The following PTPN4 variants were observed in gnomAD, a reference collection of about 807,000 sequenced individuals.
PTPN4 encodes the protein tyrosine-protein phosphatase non-receptor type 4.
In PTPN4, 49 loss-of-function variants were observed where a neutral mutation model predicts 135.5. That is an observed-to-expected ratio of 0.36 (90% CI 0.29 to 0.46). The LOEUF is 0.46. Among genes scored for constraint, PTPN4 ranks in the 20% least tolerant of loss-of-function variants. PTPN4 has a pLI of 1.00. For missense variants in PTPN4, 860 were observed against 1,101.0 expected (o/e 0.78, Z 3.10); for synonymous variants, 333 against 369.9 (o/e 0.90, Z 1.14).
At chr2:119,834,572 G>A (rs1677263675) in intron 2 of PTPN4, among the ~76,000 whole-genome samples, 1 of 152,004 alleles carries the variant, frequency 6.6e-6, no homozygotes, top group South Asian at 2.1e-4. Context: ...ATTGTTGGCT[G>A]AAAGAATTTC....
Position 119,977,198 on chromosome 2 carries a change from C to G in PTPN4, c.*128C>G, listed in dbSNP as rs1240460514. 6 of 1,355,594 alleles carry G rather than the reference C, an allele frequency of 4.4e-6. No homozygotes were observed. Among genetic ancestry groups the G allele is most frequent in the Middle Eastern group, 2.5e-4 (1 of 3,970 alleles). 84.0% of individuals were successfully genotyped at this position (1,355,594 alleles called of 1,614,324 possible). A position where few individuals can be genotyped will look rare whatever the true frequency, so the allele number is the denominator to read the frequency against. On this transcript the variant is annotated 3_prime_UTR_variant, in exon 27 of 27. Coordinates refer to ENST00000263708, the MANE Select transcript of PTPN4 (RefSeq NM_002830.4). ...GAAGAACTCAAAAAAACTTTGAAAA[C>G]TTCAGCACTGTTGCACTTTATGTTT...
At chr2:119,955,401 C>G in intron 20 of PTPN4, 78 bp downstream of exon 20, 1 of 1,148,512 alleles carries the variant, frequency 8.7e-7, no homozygotes, top group East Asian at 2.8e-5. Context: ...AGTGCCTAAT[C>G]TGTGCATTAT....
intron 11 of PTPN4, among the ~76,000 whole-genome samples, chr2:119,917,615 CG>C: frequency 6.6e-6 from 1 of 152,058 alleles, no homozygotes; most frequent in East Asian, 1.9e-4. Flanking sequence ...CTGTATTTCC[CG>C]TTGCTTGGGA....
At chr2:119,779,259 T>C (rs996138728) in intron 1 of PTPN4, among the ~76,000 whole-genome samples, 1 of 152,192 alleles carries the variant, frequency 6.6e-6, no homozygotes, top group African/African-American at 2.4e-5. Context: ...CAAAACATTG[T>C]GTAATAAACT....
At chr2:119,789,686 T>C (rs1302323322) in intron 1 of PTPN4, among the ~76,000 whole-genome samples, 3 of 152,170 alleles carry the variant, frequency 2.0e-5, no homozygotes, top group African/African-American at 7.2e-5. Flanking sequence ...TTTTTCACTT[T>C]CTTGTAAATT....
At chr2:119,968,396 A>G (rs552386911) in intron 26 of PTPN4, among the ~76,000 whole-genome samples, 10 of 152,350 alleles carry the variant, frequency 6.6e-5, no homozygotes, top group African/African-American at 2.2e-4. Flanking sequence ...GTCAAGCTGA[A>G]TGCTGAGAAT....
In PTPN4 at chr2:119,923,278, G is replaced by T. The variant is rs181740583; in HGVS notation, c.1001+3037G>T. The stretch of plus-strand genomic sequence containing the variant: ...AGTCCTAACTACTCAGGAGGCTCAG[G>T]GAGGAGGATCACTTGAGGCCAGGAG... On this transcript the variant is annotated intron_variant, in intron 12 of 26. Coordinates refer to ENST00000263708, the MANE Select transcript of PTPN4 (RefSeq NM_002830.4). 1.0e-3 allele frequency among the ~76,000 whole-genome samples: 157 copies of T among 152,256 alleles called. 2 individuals carry two copies. The highest frequency in any genetic ancestry group is 8.4e-3 in the Admixed American group (129 of 15,290).
chr2:119,816,421 A>G (rs763566840), intron 2 of PTPN4, among the ~76,000 whole-genome samples: 1 of 152,140 alleles, frequency 6.6e-6, no homozygotes, highest in Admixed American at 6.5e-5. Context: ...TTAAAAATCT[A>G]TAATCTATGG....
chr2:119,957,555 T>TC (rs1426161114), intron 22 of PTPN4, among the ~76,000 whole-genome samples: 6 of 137,912 alleles, frequency 4.4e-5, no homozygotes, highest in Non-Finnish European at 6.2e-5. Context: ...AAGAAACCAG[T>TC]CCCTGGTGCC....
intron 12 of PTPN4, among the ~76,000 whole-genome samples, chr2:119,922,987 G>A (rs1400242759): frequency 1.3e-5 from 2 of 152,146 alleles, no homozygotes; most frequent in Non-Finnish European, 2.9e-5. Context: ...AATCTCTCTA[G>A]AATATGTAAT....
chr2:119,918,489 C>G (rs1678689950), intron 11 of PTPN4, among the ~76,000 whole-genome samples: 1 of 152,162 alleles, frequency 6.6e-6, no homozygotes, highest in South Asian at 2.1e-4. Flanking sequence ...AGACACTTCA[C>G]AAATGAGGAT....
At chr2:119,876,798 A>G (rs1039220879) in intron 3 of PTPN4, among the ~76,000 whole-genome samples, 36 of 151,732 alleles carry the variant, frequency 2.4e-4, no homozygotes, top group African/African-American at 8.2e-4. Context: ...GAGGTATTTT[A>G]TTTTTAAAGG....
At chr2:119,854,929 C>T (rs957223544) in intron 2 of PTPN4, among the ~76,000 whole-genome samples, 1 of 152,074 alleles carries the variant, frequency 6.6e-6, no homozygotes, top group African/African-American at 2.4e-5. Context: ...TGCACAGGTA[C>T]CTCCTACTTC....
In PTPN4 at chr2:119,984,607, T is replaced by C. The variant is rs1679738827; in HGVS notation, c.*7537T>C. Among the ~76,000 whole-genome samples, 1 of 152,208 alleles carries C rather than the reference T, an allele frequency of 6.6e-6. No homozygotes were observed. Among genetic ancestry groups the C allele is most frequent in the African/African-American group, 2.4e-5 (1 of 41,456 alleles). On this transcript the variant is annotated 3_prime_UTR_variant, in exon 27 of 27. Coordinates refer to ENST00000263708, the MANE Select transcript of PTPN4 (RefSeq NM_002830.4). ...CTCTGCATTTGTCACTGCAGCTTAC[T>C]GTATGCTTGAAAGGCCTTGTGTGTT... is the stretch of plus-strand genomic sequence containing the variant.
At chr2:119,887,712 C>A (rs916228365) in intron 9 of PTPN4, among the ~76,000 whole-genome samples, 1 of 152,134 alleles carries the variant, frequency 6.6e-6, no homozygotes, top group Non-Finnish European at 1.5e-5. Context: ...TTTCTGGGTT[C>A]TCTAGTCTGT....
chr2:119,846,604 T>C (rs1192659436), intron 2 of PTPN4, among the ~76,000 whole-genome samples: 2 of 152,110 alleles, frequency 1.3e-5, no homozygotes, highest in Non-Finnish European at 2.9e-5. Context: ...ATTTTTGTTA[T>C]GTCAGTTAAT....
chr2:119,804,471 G>A (rs1390878398), intron 1 of PTPN4, among the ~76,000 whole-genome samples: 2 of 151,880 alleles, frequency 1.3e-5, no homozygotes, highest in African/African-American at 4.8e-5. Context: ...GATGTTCCCC[G>A]CCCTGTGTCC....
intron 14 of PTPN4, 81 bp from the exon 15 acceptor site, chr2:119,934,719 C>A: frequency 7.2e-7 from 1 of 1,398,124 alleles, no homozygotes; most frequent in Non-Finnish European, 9.9e-7. Context: ...TACCCCCTTT[C>A]TGATGTAACC....
chr2:119,852,607 T>C (rs1403530773), intron 2 of PTPN4, among the ~76,000 whole-genome samples: 1 of 152,212 alleles, frequency 6.6e-6, no homozygotes, highest in African/African-American at 2.4e-5. Flanking sequence ...CAGATTTTTG[T>C]TTTACCAATT....
Sources: gnomAD v4.1 joint callset for allele counts (sites outside exome capture counted in the v4.1 genomes callset) on GRCh38, gnomAD v4.1.1 for gene constraint, MANE v1.5 for transcripts, NCBI Gene and HGNC (gene_info 2026-07-23, HGNC 2026-07-21) for gene names.